PHRF1: variants seen among roughly 807,000 people sequenced by gnomAD.
The protein encoded by PHRF1 is PHD and RING finger domain-containing protein 1.
A neutral mutation model predicts 128.9 loss-of-function variants in PHRF1; 53 were observed. That is an observed-to-expected ratio of 0.41 (90% CI 0.33 to 0.52). The LOEUF (loss-of-function observed/expected upper bound fraction) is 0.52, where lower values mean the gene tolerates loss of function less well. Ranked by LOEUF, PHRF1 falls within the 20% of genes least tolerant of loss-of-function variation. The pLI, the probability that PHRF1 is intolerant of heterozygous loss-of-function variation, is 0.21. For missense variants in PHRF1, 2,503 were observed against 2,284.5 expected (o/e 1.10, Z -1.95); for synonymous variants, 1,178 against 980.6 (o/e 1.20, Z -3.76).
chr11:597,042 C>A lies in PHRF1; in HGVS notation c.718+22C>A, dbSNP rs1440043055. 1 of 1,610,354 alleles carries A rather than the reference C, an allele frequency of 6.2e-7. No homozygotes were observed. Among genetic ancestry groups the A allele is most frequent in the South Asian group, 1.1e-5 (1 of 90,830 alleles). On this transcript the variant is annotated intron_variant, in intron 7 of 17. Coordinates refer to ENST00000264555, the MANE Select transcript of PHRF1 (RefSeq NM_001286581.2). The surrounding 1 kb of genome is among the most constrained non-coding windows in gnomAD (Gnocchi z 6.5). ...GCTGGTAAGGACACTGCTCCCGTCC[C>A]AAGGCGCACATGGGCCTTCTCACTG...
At position 611,629 on chromosome 11, in the gene PHRF1, TC is replaced by T. The variant is rs1184742746; in HGVS notation, c.4807-3del. 2 of 1,612,746 alleles carry T rather than the reference TC, an allele frequency of 1.2e-6. No individual in the cohort carries two copies. The highest frequency in any genetic ancestry group is 2.7e-5 in the African/African-American group (2 of 74,942). ...GGCATTTGGTGATTGCACCTCTTTC[TC>T]CAGATCTGCCACAGCAAGAGTGGAG... On this transcript the variant is annotated splice_polypyrimidine_tract_variant and splice_region_variant and intron_variant, in intron 17 of 17. Coordinates refer to ENST00000264555, the MANE Select transcript of PHRF1 (RefSeq NM_001286581.2).
chr11:583,107 G>A (rs11246200), intron 3 of PHRF1, among the ~76,000 whole-genome samples: 19,812 of 151,620 alleles, frequency 0.13, 1,404 homozygotes, highest in Middle Eastern at 0.24. Context: ...TTGGGAGGCC[G>A]AGGCGGGCGG....
intron 3 of PHRF1, among the ~76,000 whole-genome samples, chr11:582,378 G>A (rs1854259624): frequency 6.6e-6 from 1 of 151,066 alleles, no homozygotes. Context: ...GATTCTCCTG[G>A]CTCAGCCTCG....
chr11:587,601 C>A, intron 4 of PHRF1, 137 bp downstream of exon 4: 1 of 866,552 alleles, frequency 1.2e-6, no homozygotes. Context: ...AGGATTGAGT[C>A]TGGCTTGGTC....
rs1855054677 is a variant in PHRF1 at position 592,727 on chromosome 11, A to C, written c.620+53A>C. The C allele has an allele frequency of 1.9e-6, 3 of 1,566,314 alleles. No individual in the cohort carries two copies. The South Asian group carries it at 3.3e-5, about 17-fold the overall frequency. On this transcript the variant is annotated intron_variant, in intron 6 of 17. Coordinates refer to ENST00000264555, the MANE Select transcript of PHRF1 (RefSeq NM_001286581.2). ...TGCCCTGCTGCGTGCAAGGCGGGCC[A>C]GGCGCAGGAGGGATGCAGAGCCTCT...
intron 6 of PHRF1, among the ~76,000 whole-genome samples, chr11:595,182 G>A (rs1855208559): frequency 6.6e-6 from 1 of 152,192 alleles, no homozygotes; most frequent in South Asian, 2.1e-4. Flanking sequence ...AATTGGCCGG[G>A]CGTGGTGGTT....
chr11:609,446 C>G lies in PHRF1; in HGVS notation c.3990C>G (p.Asp1330Glu). ...AGGTGTCATTGATGCACGATGAAGA[C>G]CCTTCGCAGCCCCCACCCCTGCCAG... ...QREVSLMHDE[D>E]PSQPPPLPEG... Residue 1330 changes from aspartate (D) to glutamate (E), a missense_variant, in exon 14 of 18, where the codon GAC (aspartate) becomes GAG (glutamate). Physicochemically the swap from Asp to Glu is conservative, Grantham distance 45. Transcript: ENST00000264555. 1 of 1,606,470 alleles carries G rather than the reference C, an allele frequency of 6.2e-7. No individual in the cohort carries two copies. The highest frequency in any genetic ancestry group is 8.5e-7 in the Non-Finnish European group (1 of 1,179,640).
Position 612,003 on chromosome 11 carries a change from T to C in PHRF1, c.*226T>C. The C allele has an allele frequency of 4.9e-6, 3 of 614,646 alleles. No individual in the cohort carries two copies. In the South Asian group the frequency reaches 6.7e-5, roughly 14 times the overall value. 38.1% of individuals were successfully genotyped at this position (614,646 alleles called of 1,614,324 possible). On this transcript the variant is annotated 3_prime_UTR_variant, in exon 18 of 18. Coordinates refer to ENST00000264555, the MANE Select transcript of PHRF1 (RefSeq NM_001286581.2). ...GTTGAAAACTGGACACTTTTGTATG[T>C]ATATTATAGAGACACTGTTTCCATT...
At position 608,027 on chromosome 11, in the gene PHRF1, T is replaced by A; in HGVS notation, c.2571T>A (p.Ser857=). 1.2e-6 allele frequency: 2 copies of A among 1,610,922 alleles called. No individual in the cohort carries two copies. The highest frequency in any genetic ancestry group is 1.7e-6 in the Non-Finnish European group (2 of 1,179,520). Residue 857 remains serine, a synonymous_variant, in exon 14 of 18, where the codon TCT becomes TCA. Coordinates refer to ENST00000264555, the MANE Select transcript of PHRF1 (RefSeq NM_001286581.2). ...PERSGPGLLP[S]EITRTISINS... ...GGTCTGGCCCCGGCCTCCTGCCCTC[T>A]GAGATCACACGAACCATCTCCATCA...
rs1173866416 is a variant in PHRF1 at position 597,184 on chromosome 11, G to A, written c.718+164G>A. On this transcript the variant is annotated intron_variant, in intron 7 of 17. Transcript: ENST00000264555. This position sits in a 1 kb window ranked among gnomAD's most constrained non-coding sequence, Gnocchi z 6.5. ...GGGAGGACATCTAGGGCTGTCTCGG[G>A]CTCGTCTTCTCGGGGATGTGTGTGG... Among the ~76,000 whole-genome samples, 1 of 152,008 alleles carries A rather than the reference G, an allele frequency of 6.6e-6. No individual in the cohort carries two copies. Among genetic ancestry groups the A allele is most frequent in the African/African-American group, 2.4e-5 (1 of 41,402 alleles).
At position 579,019 on chromosome 11, in the gene PHRF1, T is replaced by C. The variant is rs1400126590; in HGVS notation, c.-22+2427T>C. Among the ~76,000 whole-genome samples, 3 of 152,214 alleles carry C rather than the reference T, an allele frequency of 2.0e-5. 1 individual carries two copies. The South Asian group carries it at 6.2e-4, about 31-fold the overall frequency. ...CATGCCCGGCTCATTTTTTCTATTT[T>C]AGTAGAGATGGGGTTTCACTGTGTT... is the stretch of plus-strand genomic sequence containing the variant. On this transcript the variant is annotated intron_variant, in intron 1 of 17. Transcript: ENST00000264555.
intron 8 of PHRF1, 130 bp from the exon 9 acceptor site, chr11:598,243 G>A (rs910762810): frequency 3.1e-6 from 4 of 1,298,596 alleles, no homozygotes; most frequent in Admixed American, 2.9e-5. Context: ...GGCTGCTGCA[G>A]TGGCGGGTGG....
At position 608,431 on chromosome 11, in the gene PHRF1, G is replaced by A. The variant is rs913457938; in HGVS notation, c.2975G>A (p.Arg992Gln). 8 of 1,609,640 alleles carry A rather than the reference G, an allele frequency of 5.0e-6. No individual in the cohort carries two copies. Among genetic ancestry groups the A allele is most frequent in the African/African-American group, 2.7e-5 (2 of 74,878 alleles). The stretch of plus-strand genomic sequence containing the variant: ...GTCGTGGAGCTCAGGCCCCCTTCCC[G>A]GTCCCGCTCCACATCCAGCTCCCGC... ...HRVVELRPPSRSRSTSSSRSR... is the reference protein window; with the variant it reads ...HRVVELRPPSQSRSTSSSRSR... The change falls in exon 14 of 18, where the codon CGG (arginine) becomes CAG (glutamine). Residue 992 changes from arginine to glutamine, a missense_variant. Coordinates refer to ENST00000264555, the MANE Select transcript of PHRF1 (RefSeq NM_001286581.2).
Position 597,013 on chromosome 11 carries a change from T to C in PHRF1, c.711T>C (p.Leu237=). The change falls in exon 7 of 18, where the codon CTT becomes CTC. Residue 237 remains leucine, a synonymous_variant. Transcript: ENST00000264555. This position sits in a 1 kb window ranked among gnomAD's most constrained non-coding sequence, Gnocchi z 6.5. ...AATGTGCTGCGCCTGGTGTTGTCCTTGCCGCTGGTAAGGACACTGCTCCCG... is the reference window on the plus strand; with the variant it reads ...AATGTGCTGCGCCTGGTGTTGTCCTCGCCGCTGGTAAGGACACTGCTCCCG... ...CPECAAPGVV[L]AADAGPVSEE... 1 of 1,613,732 alleles carries C rather than the reference T, an allele frequency of 6.2e-7. No homozygotes were observed. Among genetic ancestry groups the C allele is most frequent in the Non-Finnish European group, 8.5e-7 (1 of 1,179,834 alleles).
chr11:587,211 T>A (rs763092872), intron 3 of PHRF1, 48 bp from the exon 4 acceptor site: 9 of 1,586,502 alleles, frequency 5.7e-6, no homozygotes, highest in Non-Finnish European at 7.7e-6. Flanking sequence ...AGTGCCGCGG[T>A]TCACGCTGCC....
In PHRF1 at chr11:607,630, G is replaced by A. The variant is rs199818767; in HGVS notation, c.2174G>A (p.Arg725Gln). Residue 725 changes from arginine to glutamine, a missense_variant, in exon 14 of 18, where the codon CGA (arginine) becomes CAA (glutamine). By Grantham distance (43) the Arg-to-Gln change is conservative. Coordinates refer to ENST00000264555, the MANE Select transcript of PHRF1 (RefSeq NM_001286581.2). ...TGREGTGQPG[R>Q]GTRAESEASS... Reference sequence around the variant, plus strand: ...AGGGAGGGCACCGGGCAGCCAGGGCGAGGCACACGGGCAGAGAGCGAGGCC... The same window carrying A: ...AGGGAGGGCACCGGGCAGCCAGGGCAAGGCACACGGGCAGAGAGCGAGGCC... 2.0e-4 allele frequency: 329 copies of A among 1,611,926 alleles called. 1 individual carries two copies. The highest frequency in any genetic ancestry group is 5.5e-4 in the South Asian group (50 of 91,038).
At chr11:577,520 C>T (rs932919896) in intron 1 of PHRF1, among the ~76,000 whole-genome samples, 7 of 152,228 alleles carry the variant, frequency 4.6e-5, no homozygotes, top group Non-Finnish European at 7.3e-5. Context: ...AGTCAGAGTG[C>T]TAGTGGATGG....
intron 6 of PHRF1, among the ~76,000 whole-genome samples, chr11:596,093 T>G (rs1279648005): frequency 6.6e-6 from 1 of 152,206 alleles, no homozygotes; most frequent in African/African-American, 2.4e-5. Flanking sequence ...GTTCAGCCCG[T>G]GGTAAGTGGT....
rs142474495 is a variant in PHRF1, at chr11:611,184, G to A, written c.4806+102G>A. 1,300 of 1,530,352 alleles carry A rather than the reference G, an allele frequency of 8.5e-4. 11 individuals are homozygous for A. The African/African-American group carries it at 0.014, about 17-fold the overall frequency. The allele number at this position is 1,530,352 out of a possible 1,614,324, so 94.8% of individuals were successfully genotyped here. On this transcript the variant is annotated intron_variant, in intron 17 of 17. Coordinates refer to ENST00000264555, the MANE Select transcript of PHRF1 (RefSeq NM_001286581.2). ...TTGGGGTGGCCATGAGTGCAGGCCC[G>A]AGGTCAGCCAGCCAGGTTAGGGGTC...
Sources: gnomAD v4.1 joint callset for allele counts (sites outside exome capture counted in the v4.1 genomes callset) on GRCh38, gnomAD v4.1.1 for gene constraint, Gnocchi (gnomAD v3.1) non-coding constraint, MANE v1.5 for transcripts, NCBI Gene and HGNC (gene_info 2026-07-23, HGNC 2026-07-21) for gene names.